Variants in EYS observed in about 807,000 individuals in gnomAD.
EYS encodes protein eyes shut homolog.
Under a neutral mutation model 282.1 loss-of-function variants are expected in EYS, and 250 were observed. The observed-to-expected ratio is 0.89, with a 90% CI of 0.80 to 0.98. The LOEUF is 0.98. EYS is among the 50% of genes least tolerant of loss of function. EYS has a pLI of 0.00. For missense variants in EYS, 4,016 were observed against 3,709.0 expected, an observed-to-expected ratio of 1.08 and a Z score of -2.15; for synonymous variants, 1,355 against 1,282.9, an observed-to-expected ratio of 1.06 and a Z score of -1.20.
chr6:64,892,091 A>T (rs9342450), intron 18 of EYS, among the ~76,000 whole-genome samples: 14,472 of 151,934 alleles, frequency 0.095, 869 homozygotes, highest in East Asian at 0.31. Flanking sequence ...AAGGAAGAGT[A>T]ACTATAATTT....
intron 29 of EYS, among the ~76,000 whole-genome samples, chr6:64,325,927 A>C (rs2150387308): frequency 6.6e-6 from 1 of 152,280 alleles, no homozygotes; most frequent in South Asian, 2.1e-4. Flanking sequence ...AACAAACCTA[A>C]GAATAATTGG....
chr6:64,243,880 A>G (rs1005165960), intron 30 of EYS, among the ~76,000 whole-genome samples: 4 of 152,190 alleles, frequency 2.6e-5, no homozygotes, highest in Non-Finnish European at 4.4e-5. Flanking sequence ...CCCTATTGAT[A>G]AACATCATGG....
At chr6:65,663,732 A>T (rs939917384) in intron 1 of EYS, among the ~76,000 whole-genome samples, 3 of 152,102 alleles carry the variant, frequency 2.0e-5, no homozygotes, top group Non-Finnish European at 4.4e-5. Flanking sequence ...CCCAGGCTGG[A>T]GTGCAGTGGC....
chr6:65,249,544 A>G (rs569992686), intron 12 of EYS, among the ~76,000 whole-genome samples: 25 of 150,220 alleles, frequency 1.7e-4, no homozygotes, highest in Non-Finnish European at 3.4e-4. Flanking sequence ...TTACATAAAT[A>G]TCCTTTTTTT....
chr6:64,511,517 T>A (rs1186308725), intron 26 of EYS, among the ~76,000 whole-genome samples: 4 of 151,890 alleles, frequency 2.6e-5, no homozygotes, highest in Admixed American at 2.6e-4. Flanking sequence ...TAAATGAATA[T>A]CCATTATGAT....
chr6:63,876,194 A>G (rs918808237), intron 35 of EYS, among the ~76,000 whole-genome samples: 3 of 152,206 alleles, frequency 2.0e-5, no homozygotes, highest in Non-Finnish European at 4.4e-5. Flanking sequence ...TTGGTTTCAA[A>G]GAACATCTTT....
At chr6:64,406,500 G>A (rs1444871753) in intron 28 of EYS, among the ~76,000 whole-genome samples, 1 of 152,058 alleles carries the variant, frequency 6.6e-6, no homozygotes, top group African/African-American at 2.4e-5. Context: ...CACAGCAAAA[G>A]AAACTATCAT....
At chr6:64,450,905 G>C (rs1246313534) in intron 26 of EYS, among the ~76,000 whole-genome samples, 1 of 152,052 alleles carries the variant, frequency 6.6e-6, no homozygotes, top group Non-Finnish European at 1.5e-5. Flanking sequence ...AGAGAAAGCA[G>C]GAAAGATCTA....
At chr6:64,969,083 CT>C (rs1770202001) in intron 14 of EYS, among the ~76,000 whole-genome samples, 1 of 151,638 alleles carries the variant, frequency 6.6e-6, no homozygotes, top group South Asian at 2.1e-4. Flanking sequence ...CAATCAACTC[CT>C]TGCGTGAAAA....
intron 12 of EYS, among the ~76,000 whole-genome samples, chr6:65,286,459 A>G (rs1308637530): frequency 6.6e-6 from 1 of 151,768 alleles, no homozygotes; most frequent in Non-Finnish European, 1.5e-5. Flanking sequence ...ATTCTTGATT[A>G]AATTTTTAAA....
chr6:65,082,904 A>G lies in EYS; in HGVS notation c.2024-25177T>C, dbSNP rs547835354. ...AAATGCATGCAATGGACTGTAATTT[A>G]TTTGCTTTGAGGCATTTTATAGAAG... On this transcript the variant is annotated intron_variant, in intron 12 of 42. Coordinates refer to ENST00000503581, the MANE Select transcript of EYS (RefSeq NM_001142800.2). Among the ~76,000 whole-genome samples the G allele has an allele frequency of 7.2e-5, 11 of 152,178 alleles. No individual in the cohort carries two copies. In the South Asian group the frequency reaches 2.3e-3, roughly 32 times the overall value.
chr6:65,635,864 C>T (rs1473578538), intron 2 of EYS, among the ~76,000 whole-genome samples: 1 of 152,168 alleles, frequency 6.6e-6, no homozygotes, highest in Non-Finnish European at 1.5e-5. Context: ...GCTGTGCCCT[C>T]CTACAATTTC....
chr6:64,877,701 G>A (rs1766791630), intron 19 of EYS, among the ~76,000 whole-genome samples: 1 of 152,118 alleles, frequency 6.6e-6, no homozygotes, highest in South Asian at 2.1e-4. Flanking sequence ...AAGCATGATT[G>A]GAAGTGGGAT....
intron 12 of EYS, among the ~76,000 whole-genome samples, chr6:65,254,803 C>G (rs1453296490): frequency 6.6e-6 from 1 of 151,704 alleles, no homozygotes; most frequent in Non-Finnish European, 1.5e-5. Flanking sequence ...TAAAATGATA[C>G]ACAAAAGGAA....
chr6:63,865,460 T>C (rs1311608682), intron 35 of EYS, among the ~76,000 whole-genome samples: 1 of 127,768 alleles, frequency 7.8e-6, no homozygotes, highest in Non-Finnish European at 1.7e-5. Context: ...CATTTAATCT[T>C]TTCTTTTTTT....
intron 15 of EYS, among the ~76,000 whole-genome samples, chr6:64,919,197 A>G (rs1768259017): frequency 6.6e-6 from 1 of 151,974 alleles, no homozygotes; most frequent in African/African-American, 2.4e-5. Flanking sequence ...TTTGAGATGG[A>G]GTCTCACTCT....
chr6:64,007,502 C>T (rs1768407494), intron 33 of EYS, among the ~76,000 whole-genome samples: 1 of 151,344 alleles, frequency 6.6e-6, no homozygotes, highest in African/African-American at 2.4e-5. Context: ...CAGTTCAGTT[C>T]TGATTTTGAT....
rs139583863 is a variant in EYS, at chr6:64,828,049, G to A, written c.2993-5227C>T. 3.2e-3 allele frequency among the ~76,000 whole-genome samples: 488 copies of A among 151,828 alleles called. 5 individuals carry two copies. Among genetic ancestry groups the A allele is most frequent in the African/African-American group, 0.012 (478 of 41,448 alleles). Reference sequence around the variant, plus strand: ...GGTGGATAGATGACTGAATCTATGAGGAATATCAAAAGAGATGGAAACTAT... The same window carrying A: ...GGTGGATAGATGACTGAATCTATGAAGAATATCAAAAGAGATGGAAACTAT... On this transcript the variant is annotated intron_variant, in intron 19 of 42. Coordinates refer to ENST00000503581, the MANE Select transcript of EYS (RefSeq NM_001142800.2).
At chr6:64,101,988 G>A (rs958834922) in intron 31 of EYS, among the ~76,000 whole-genome samples, 1 of 151,808 alleles carries the variant, frequency 6.6e-6, no homozygotes. Flanking sequence ...ATCTGACAGC[G>A]GGTGGAGCTC....
Sources: allele counts gnomAD v4.1 joint callset (sites outside exome capture counted in the v4.1 genomes callset), GRCh38; gene constraint gnomAD v4.1.1; transcripts MANE v1.5; gene names NCBI Gene and HGNC (gene_info 2026-07-23, HGNC 2026-07-21).